Variants in RFT1 observed in about 807,000 individuals in gnomAD.
RFT1 encodes man(5)GlcNAc(2)-PP-dolichol translocation protein RFT1.
Under a neutral mutation model 62.2 loss-of-function variants are expected in RFT1, and 43 were observed. The ratio of observed to expected loss-of-function variants is 0.69; its 90% CI spans 0.54 to 0.89. RFT1 has a LOEUF of 0.89. Among genes scored for constraint, RFT1 ranks in the 40% least tolerant of loss-of-function variants. The probability of loss-of-function intolerance (pLI) is 0.00; values close to 1 mark genes in which losing one functional copy is unlikely to be tolerated. For missense variants in RFT1, 605 were observed against 649.9 expected (o/e 0.93, Z 0.75); for synonymous variants, 262 against 264.6 (o/e 0.99, Z 0.10).
intron 5 of RFT1, 63 bp downstream of exon 5, chr3:53,121,636 C>G: frequency 1.5e-6 from 2 of 1,327,318 alleles, no homozygotes; most frequent in Non-Finnish European, 2.1e-6. Context: ...GCGGTGGGAA[C>G]AAGAAGAAAA....
chr3:53,081,138 G>C, the RFT1 span, among the ~76,000 whole-genome samples: 10 of 152,200 alleles, frequency 6.6e-5, no homozygotes, highest in Admixed American at 2.0e-4. Flanking sequence ...GGCTCCTGAG[G>C]ACATCATAAG....
At position 53,097,241 on chromosome 3, in the gene RFT1, TA is replaced by T. The variant is rs879527670; in HGVS notation, c.1208+2139del. Among the ~76,000 whole-genome samples, 1,059 of 146,032 alleles carry T rather than the reference TA, an allele frequency of 7.3e-3. 4 individuals carry two copies. The highest frequency in any genetic ancestry group is 0.014 in the Middle Eastern group (4 of 284). On this transcript the variant is annotated intron_variant, in intron 11 of 12. Coordinates refer to ENST00000296292, the MANE Select transcript of RFT1 (RefSeq NM_052859.4). ...TTTGTCTGTTAAAATTCACAGAGAT[TA>T]AAAAAAAAAAATGCCAACGTCTGTG...
At chr3:53,108,209 C>T (rs1701544132) in intron 7 of RFT1, among the ~76,000 whole-genome samples, 1 of 151,718 alleles carries the variant, frequency 6.6e-6, no homozygotes, top group African/African-American at 2.4e-5. Context: ...CCACCAAGCC[C>T]AGCACTTTTT....
chr3:53,099,364 C>T lies in RFT1; in HGVS notation c.1208+17G>A. 1 of 1,595,174 alleles carries T rather than the reference C, an allele frequency of 6.3e-7. No homozygotes were observed. Among genetic ancestry groups the T allele is most frequent in the Non-Finnish European group, 8.6e-7 (1 of 1,162,778 alleles). On this transcript the variant is annotated intron_variant, in intron 11 of 12. Transcript: ENST00000296292. ...GCTGAAGGCCATGATTAAAGGTGTA[C>T]CTGCTAGGTTACCCACCTGTCGACC...
intron 6 of RFT1, among the ~76,000 whole-genome samples, chr3:53,119,489 A>C (rs1446655062): frequency 6.6e-6 from 1 of 152,230 alleles, no homozygotes; most frequent in Non-Finnish European, 1.5e-5. Flanking sequence ...TAAGCATTAA[A>C]TAAGGCAGGT....
At chr3:53,125,248 T>C (rs1416106892) in intron 2 of RFT1, among the ~76,000 whole-genome samples, 1 of 152,232 alleles carries the variant, frequency 6.6e-6, no homozygotes, top group African/African-American at 2.4e-5. Context: ...TATCAGGACA[T>C]GAAGACACAC....
intron 4 of RFT1, 79 bp downstream of exon 4, chr3:53,122,295 C>T (rs1293075496): frequency 7.6e-7 from 1 of 1,315,130 alleles, no homozygotes; most frequent in Non-Finnish European, 1.1e-6. Flanking sequence ...CATTCATTCT[C>T]TCCTATAAAA....
chr3:53,123,754 C>T lies in RFT1; in HGVS notation c.236G>A (p.Trp79Ter), dbSNP rs1702031593. The stretch of plus-strand genomic sequence containing the variant: ...CCACAGCAGGTTGAGGGTCTGGCTC[C>T]AGTCTCGCTGGGTGCCCCCACTGAG... Reference protein sequence around the residue: ...ACLSGGTQRDWSQTLNLLWLT... With the variant: ...ACLSGGTQRD Residue 79 changes from tryptophan (W) to a stop codon, truncating the protein, a stop_gained, in exon 3 of 13, where the codon TGG becomes TAG. Coordinates refer to ENST00000296292, the MANE Select transcript of RFT1 (RefSeq NM_052859.4). LOFTEE classifies it high-confidence loss of function. 1 of 1,614,050 alleles carries T rather than the reference C, an allele frequency of 6.2e-7. No individual in the cohort carries two copies. The highest frequency in any genetic ancestry group is 1.7e-5 in the Admixed American group (1 of 60,016).
the RFT1 span, chr3:53,078,200 G>A: frequency 6.6e-6 from 1 of 152,234 alleles, no homozygotes; most frequent in Non-Finnish European, 1.5e-5. Flanking sequence ...CATAGAAAGT[G>A]CTGGGAATAA....
At chr3:53,114,170 TTC>T (rs1190205372) in intron 6 of RFT1, among the ~76,000 whole-genome samples, 1 of 152,132 alleles carries the variant, frequency 6.6e-6, no homozygotes, top group African/African-American at 2.4e-5. Flanking sequence ...CTTCAGCACC[TTC>T]TCTCTCTCAC....
chr3:53,090,227 T>C lies in RFT1; in HGVS notation c.*1676A>G, dbSNP rs2107063797. ...GGTGGGCACGGGATAGGTGCAGGGT[T>C]CCGGGAGGGTGATCAGCAGCTGCAG... On this transcript the variant is annotated 3_prime_UTR_variant, in exon 13 of 13. Transcript: ENST00000296292. 1 of 152,818 alleles carries C rather than the reference T, an allele frequency of 6.5e-6. No individual in the cohort carries two copies. The highest frequency in any genetic ancestry group is 1.9e-4 in the East Asian group (1 of 5,166). The allele number at this position is 152,818 out of a possible 1,614,324, so 9.5% of individuals were successfully genotyped here.
chr3:53,082,050 C>T, the RFT1 span, among the ~76,000 whole-genome samples: 6,044 of 152,244 alleles, frequency 0.04, 416 homozygotes, highest in African/African-American at 0.14. Flanking sequence ...CTCCAGTGAT[C>T]TTCCCGCCTC....
At chr3:53,093,797 G>A (rs1701063421) in intron 11 of RFT1, among the ~76,000 whole-genome samples, 1 of 152,156 alleles carries the variant, frequency 6.6e-6, no homozygotes, top group African/African-American at 2.4e-5. Context: ...GAAGCGGGAG[G>A]ATCGCTTGAG....
chr3:53,084,030 T>TGGA (rs10701040), downstream of RFT1, among the ~76,000 whole-genome samples: 149,891 of 152,320 alleles, frequency 0.98, 73,804 homozygotes, highest in Middle Eastern at 1. Context: ...GGATTCTGTG[T>TGGA]GGAGAAGAGC....
At position 53,092,420 on chromosome 3, in the gene RFT1, T is replaced by C. The variant is rs750985409; in HGVS notation, c.1407A>G (p.Pro469=). 32 of 1,609,262 alleles carry C rather than the reference T, an allele frequency of 2.0e-5. No homozygotes were observed. Among genetic ancestry groups the C allele is most frequent in the Middle Eastern group, 1.6e-4 (1 of 6,070 alleles). The change falls in exon 12 of 13, where the codon CCA becomes CCG. Residue 469 remains proline, a synonymous_variant. Coordinates refer to ENST00000296292, the MANE Select transcript of RFT1 (RefSeq NM_052859.4). ...HRPLAGLHLS[P]VLLGTFALSG... is the part of the protein sequence containing the mutation. Reference sequence around the variant, plus strand: ...TGAGGGCAAATGTCCCGAGCAGGACTGGCGATAGGTGCAGGCCAGCCAGGG... The same window carrying C: ...TGAGGGCAAATGTCCCGAGCAGGACCGGCGATAGGTGCAGGCCAGCCAGGG...
At chr3:53,076,020 G>A in the RFT1 span, among the ~76,000 whole-genome samples, 736 of 152,300 alleles carry the variant, frequency 4.8e-3, 4 homozygotes, top group African/African-American at 0.017. Context: ...AAATCAGCAT[G>A]GGGCATCTTA....
intron 6 of RFT1, among the ~76,000 whole-genome samples, chr3:53,117,305 G>C (rs1701836884): frequency 6.6e-6 from 1 of 152,210 alleles, no homozygotes; most frequent in Non-Finnish European, 1.5e-5. Context: ...AACTCCTGAA[G>C]TCTTCAGAGG....
chr3:53,116,763 A>G (rs1378023514), intron 6 of RFT1, among the ~76,000 whole-genome samples: 1 of 151,914 alleles, frequency 6.6e-6, no homozygotes, highest in African/African-American at 2.4e-5. Flanking sequence ...CACCATGCCC[A>G]GCTAACTGTT....
chr3:53,076,153 C>T, the RFT1 span, among the ~76,000 whole-genome samples: 3 of 152,212 alleles, frequency 2.0e-5, no homozygotes, highest in South Asian at 2.1e-4. Context: ...GTGTGGCTGC[C>T]GCCCCACTGG....
Sources: gnomAD v4.1 joint callset for allele counts (sites outside exome capture counted in the v4.1 genomes callset) on GRCh38, gnomAD v4.1.1 for gene constraint, MANE v1.5 for transcripts, NCBI Gene and HGNC (gene_info 2026-07-23, HGNC 2026-07-21) for gene names.